The following PRKD2 variants were observed in gnomAD, a reference collection of about 807,000 sequenced individuals.
PRKD2 encodes serine/threonine-protein kinase D2.
A neutral mutation model predicts 86.0 loss-of-function variants in PRKD2; 22 were observed. The ratio of observed to expected loss-of-function variants is 0.26; its 90% CI spans 0.18 to 0.37. PRKD2 has a LOEUF of 0.37. PRKD2 is among the 10% of genes least tolerant of loss of function. PRKD2 has a pLI of 1.00. For missense variants in PRKD2, 818 were observed against 1,199.2 expected (o/e 0.68, Z 4.70); for synonymous variants, 509 against 510.9 (o/e 1.00, Z 0.05).
chr19:46,701,132 G>A lies in PRKD2; in HGVS notation c.890-20C>T, dbSNP rs1264150068. 6.2e-7 allele frequency: 1 copy of A among 1,611,728 alleles called. No homozygotes were observed. The highest frequency in any genetic ancestry group is 2.2e-5 in the East Asian group (1 of 44,842). ...TGCAGTCTGGTAGGACAGGGAACAA[G>A]GGAACGGGTGAGAAGGGGAAGAGAG... is the stretch of plus-strand genomic sequence containing the variant. On this transcript the variant is annotated intron_variant, in intron 5 of 17. Transcript: ENST00000291281.
chr19:46,681,815 G>T, intron 14 of PRKD2, 67 bp from the exon 15 acceptor site: 1 of 960,740 alleles, frequency 1.0e-6, no homozygotes, highest in Non-Finnish European at 1.7e-6. Context: ...AACCTCAGCA[G>T]CCAGCCCTCC....
chr19:46,707,461 G>A (rs56375593), intron 3 of PRKD2, among the ~76,000 whole-genome samples: 6,937 of 151,958 alleles, frequency 0.046, 202 homozygotes, highest in East Asian at 0.16. Flanking sequence ...GTGGTGGTGC[G>A]CACCTGTAAT....
chr19:46,674,637 T>C lies in PRKD2; in HGVS notation c.2523A>G (p.Ala841=). The change falls in exon 18 of 18, where the codon GCA becomes GCG. Residue 841 remains alanine (A), a synonymous_variant. Coordinates refer to ENST00000291281, the MANE Select transcript of PRKD2 (RefSeq NM_016457.5). ...ESDDARWEQF[A]AEHPLPGSGL... is the part of the protein sequence containing the mutation. ...CAGACCCAGGCAGCGGATGCTCTGC[T>C]GCAAACTGCTCCCAGCGCGCGTCGT... The C allele has an allele frequency of 6.2e-7, 1 of 1,608,152 alleles. No individual in the cohort carries two copies. Among genetic ancestry groups the C allele is most frequent in the Non-Finnish European group, 8.5e-7 (1 of 1,179,890 alleles).
intron 3 of PRKD2, among the ~76,000 whole-genome samples, chr19:46,708,541 T>C (rs1055315696): frequency 1.3e-5 from 2 of 151,816 alleles, no homozygotes; most frequent in African/African-American, 4.8e-5. Flanking sequence ...GGTCTCGAAC[T>C]CCTGGACTCA....
chr19:46,705,022 G>A (rs979645449), intron 3 of PRKD2, among the ~76,000 whole-genome samples: 1 of 146,078 alleles, frequency 6.8e-6, no homozygotes, highest in Non-Finnish European at 1.5e-5. Context: ...CCCTGAACAC[G>A]CCTCACACCC....
chr19:46,710,554 T>C, intron 3 of PRKD2: 1 of 219,674 alleles, frequency 4.6e-6, no homozygotes. Flanking sequence ...AATATCTCAA[T>C]ATATATCTCC....
rs565646572 is a variant in PRKD2 at position 46,676,268 on chromosome 19, A to C, written c.2339-1150T>G. Among the ~76,000 whole-genome samples the C allele has an allele frequency of 2.6e-5, 4 of 152,170 alleles. No individual in the cohort carries two copies. The South Asian group carries it at 8.3e-4, about 32-fold the overall frequency. On this transcript the variant is annotated intron_variant, in intron 16 of 17. Coordinates refer to ENST00000291281, the MANE Select transcript of PRKD2 (RefSeq NM_016457.5). ...ACACGGAAACCCCGTCTCTACTAAA[A>C]ATACAAAAAATTAGCTGGGCATGGT...
chr19:46,689,460 C>T, intron 14 of PRKD2, 77 bp downstream of exon 14: 1 of 1,481,334 alleles, frequency 6.8e-7, no homozygotes, highest in Non-Finnish European at 9.1e-7. Context: ...GTCTGCTTGA[C>T]CCCCTAGGCA....
intron 15 of PRKD2, among the ~76,000 whole-genome samples, chr19:46,679,580 A>G (rs1419034381): frequency 6.6e-6 from 1 of 152,102 alleles, no homozygotes; most frequent in East Asian, 1.9e-4. Context: ...GTGGGTGCTG[A>G]CTGCGGTAGC....
chr19:46,697,096 G>A, intron 9 of PRKD2, 61 bp downstream of exon 9: 3 of 1,299,498 alleles, frequency 2.3e-6, no homozygotes, highest in Non-Finnish European at 3.4e-6. Context: ...GTAGGAGGAG[G>A]TGTGGGAAAG....
chr19:46,689,522 GC>G lies in PRKD2; in HGVS notation c.1971+14del. The stretch of plus-strand genomic sequence containing the variant: ...GATGGGGAGGGGCGGGTGGCAGCGG[GC>G]AGGGCAGACGCACCTGGGTGATGAG... On this transcript the variant is annotated intron_variant, in intron 14 of 17. Coordinates refer to ENST00000291281, the MANE Select transcript of PRKD2 (RefSeq NM_016457.5). 1.9e-6 allele frequency: 3 copies of G among 1,584,624 alleles called. No homozygotes were observed. The highest frequency in any genetic ancestry group is 1.7e-6 in the Non-Finnish European group (2 of 1,165,860).
intron 5 of PRKD2, among the ~76,000 whole-genome samples, chr19:46,703,699 G>A (rs62134783): frequency 0.17 from 25,689 of 150,668 alleles, 2,701 homozygotes; most frequent in Non-Finnish European, 0.24. Context: ...CTGATCCCAG[G>A]AGGCAGAGTT....
chr19:46,697,111 T>C (rs1189690463), intron 9 of PRKD2, 46 bp downstream of exon 9: 1 of 1,457,562 alleles, frequency 6.9e-7, no homozygotes, highest in Non-Finnish European at 9.6e-7. Context: ...GGAAAGTTTG[T>C]GGGCACAGCG....
rs567281554 is a variant in PRKD2, at chr19:46,714,477, T to TGGGGGGGGGGGGGGGGGGGGGGGGGGGG, written c.241-477_241-476insCCCCCCCCCCCCCCCCCCCCCCCCCCCC. The TGGGGGGGGGGGGGGGGGGGGGGGGGGGG allele has an allele frequency of 4.9e-5, 2 of 40,934 alleles. 1 individual carries two copies. The highest frequency in any genetic ancestry group is 1.2e-4 in the Non-Finnish European group (2 of 16,264). The allele number at this position is 40,934 out of a possible 1,614,324, so 2.5% of individuals were successfully genotyped here. ...GGACTTTTCGGGGCTCCTGGGAAAG[T>TGGGGGGGGGGGGGGGGGGGGGGGGGGGG]GGGGGGGGGGGCCGGGGGACTTGGA... On this transcript the variant is annotated intron_variant, in intron 1 of 17. Transcript: ENST00000291281.
In PRKD2 at chr19:46,678,681, T is replaced by C. The variant is rs748276771; in HGVS notation, c.2071-18A>G. On this transcript the variant is annotated intron_variant, in intron 15 of 17. Transcript: ENST00000291281. This position sits in a 1 kb window ranked among gnomAD's most constrained non-coding sequence, Gnocchi z 5.7. ...AGCTTCACCTGCAGAGGGCAAGGGA[T>C]GGAGGCTCCACCAGGTGATGGAGCC... is the stretch of plus-strand genomic sequence containing the variant. 1.3e-6 allele frequency: 2 copies of C among 1,595,994 alleles called. No individual in the cohort carries two copies. Among genetic ancestry groups the C allele is most frequent in the Admixed American group, 3.3e-5 (2 of 59,838 alleles).
At chr19:46,689,386 G>A (rs549764805) in intron 14 of PRKD2, 151 bp downstream of exon 14, 1 of 925,112 alleles carries the variant, frequency 1.1e-6, no homozygotes, top group Non-Finnish European at 1.6e-6. Context: ...GGGATTACGG[G>A]TGTGAGCCAC....
chr19:46,698,965 C>T (rs1469363063), intron 7 of PRKD2, among the ~76,000 whole-genome samples: 2 of 152,090 alleles, frequency 1.3e-5, no homozygotes, highest in Non-Finnish European at 2.9e-5. Context: ...ACTAGGCATT[C>T]CCAGGAAAGA....
intron 14 of PRKD2, among the ~76,000 whole-genome samples, chr19:46,686,371 A>C (rs1050753681): frequency 5.3e-5 from 8 of 151,614 alleles, no homozygotes; most frequent in Non-Finnish European, 1.5e-5. Context: ...GTAATGGCTC[A>C]TGCCTGTGGT....
At position 46,697,193 on chromosome 19, in the gene PRKD2, C is replaced by T. The variant is rs377275428; in HGVS notation, c.1281G>A (p.Thr427=). The change falls in exon 9 of 18, where the codon ACG becomes ACA. Residue 427 remains threonine, a synonymous_variant. Transcript: ENST00000291281. ...HYWRLDCKCI[T]LFQNNTTNRY... Reference sequence around the variant, plus strand: ...TGTTGGTCGTGTTGTTCTGGAAGAGCGTGATACACTTGCAGTCCAGGCGCC... The same window carrying T: ...TGTTGGTCGTGTTGTTCTGGAAGAGTGTGATACACTTGCAGTCCAGGCGCC... 14 of 1,600,022 alleles carry T rather than the reference C, an allele frequency of 8.7e-6. No individual in the cohort carries two copies. Among genetic ancestry groups the T allele is most frequent in the Non-Finnish European group, 1.2e-5 (14 of 1,167,370 alleles).
Sources: allele counts gnomAD v4.1 joint callset (sites outside exome capture counted in the v4.1 genomes callset), GRCh38; gene constraint gnomAD v4.1.1; non-coding constraint Gnocchi (gnomAD v3.1); transcripts MANE v1.5; gene names NCBI Gene and HGNC (gene_info 2026-07-23, HGNC 2026-07-21).